The following GSDME variants were observed in gnomAD, a reference collection of about 807,000 sequenced individuals.
GSDME encodes the protein gasdermin-E.
Under a neutral mutation model 47.5 loss-of-function variants are expected in GSDME, and 44 were observed. The observed-to-expected ratio is 0.93, with a 90% CI of 0.73 to 1.19. The LOEUF is 1.19. Ranked by LOEUF, GSDME falls within the 50% of genes most tolerant of loss-of-function variation. The probability of loss-of-function intolerance (pLI) is 0.00; values close to 1 mark genes in which losing one functional copy is unlikely to be tolerated. For synonymous variants in GSDME, 258 were observed against 252.8 expected, an observed-to-expected ratio of 1.02 and a Z score of -0.20; for missense variants, 663 against 604.2, an observed-to-expected ratio of 1.10 and a Z score of -1.02.
At chr7:24,767,877 A>G in the GSDME span, among the ~76,000 whole-genome samples, 1 of 152,210 alleles carries the variant, frequency 6.6e-6, no homozygotes, top group South Asian at 2.1e-4. The surrounding 1 kb of genome is among the most constrained non-coding windows in gnomAD (Gnocchi z 5.3). Context: ...TGTTTGTGTA[A>G]TACTTTATTA....
intron 9 of GSDME, 122 bp from the exon 10 acceptor site, chr7:24,699,381 C>A: frequency 4.1e-6 from 3 of 734,766 alleles, no homozygotes; most frequent in Non-Finnish European, 7.3e-6. Context: ...CTTGCTCTGT[C>A]GTCCAGGCTG....
In GSDME at chr7:24,712,644, C is replaced by T. The variant is rs986605150; in HGVS notation, c.698-2256G>A. Among the ~76,000 whole-genome samples, 1 of 152,174 alleles carries T rather than the reference C, an allele frequency of 6.6e-6. No homozygotes were observed. The highest frequency in any genetic ancestry group is 1.5e-5 in the Non-Finnish European group (1 of 68,038). ...TTGAACAGGGCTGAGGCCAGAGTGA[C>T]CAGCGGGTGGAGGGGAGGAAAAACA... On this transcript the variant is annotated intron_variant, in intron 5 of 9. Transcript: ENST00000645220. This position sits in a 1 kb window ranked among gnomAD's most constrained non-coding sequence, Gnocchi z 4.4.
In GSDME at chr7:24,744,126, C is replaced by T. The variant is rs79251484; in HGVS notation, c.404+436G>A. 22,617 of 223,980 alleles carry T rather than the reference C, an allele frequency of 0.1. 1,264 individuals are homozygous for T. The highest frequency in any genetic ancestry group is 0.13 in the Admixed American group (2,449 of 19,066). 13.9% of individuals were successfully genotyped at this position (223,980 alleles called of 1,614,324 possible). ...AAATGTGGGGTTTTCTTCAAGACTT[C>T]AAAGACTGAAAAGAGCTCTTATTTT... On this transcript the variant is annotated intron_variant, in intron 3 of 9. Transcript: ENST00000645220. This position sits in a 1 kb window ranked among gnomAD's most constrained non-coding sequence, Gnocchi z 4.5.
At chr7:24,786,561 G>A in the GSDME span, among the ~76,000 whole-genome samples, 1 of 152,340 alleles carries the variant, frequency 6.6e-6, no homozygotes, top group South Asian at 2.1e-4. The surrounding 1 kb of genome is among the most constrained non-coding windows in gnomAD (Gnocchi z 5.5). Flanking sequence ...CTACAACTCA[G>A]AAGTGAGAAA....
At chr7:24,789,255 C>T in the GSDME span, among the ~76,000 whole-genome samples, 1 of 148,260 alleles carries the variant, frequency 6.7e-6, no homozygotes, top group Non-Finnish European at 1.5e-5. Flanking sequence ...TCCTTTTTCA[C>T]ATTAGGACAC....
At chr7:24,781,277 G>A in the GSDME span, among the ~76,000 whole-genome samples, 1 of 152,182 alleles carries the variant, frequency 6.6e-6, no homozygotes, top group Non-Finnish European at 1.5e-5. Context: ...AGATGTGGGA[G>A]GAGACACTTC....
intron 3 of GSDME, among the ~76,000 whole-genome samples, chr7:24,738,268 T>A (rs749379314): frequency 5.9e-5 from 9 of 152,112 alleles, no homozygotes; most frequent in Middle Eastern, 3.2e-3. Flanking sequence ...ATAAACAAAT[T>A]CACTAAAGTT....
At chr7:24,753,336 G>C (rs1790915298) in intron 1 of GSDME, among the ~76,000 whole-genome samples, 1 of 152,202 alleles carries the variant, frequency 6.6e-6, no homozygotes, top group Non-Finnish European at 1.5e-5. Context: ...AAAGGAGTCT[G>C]AACACTGCTC....
At chr7:24,782,143 T>A in the GSDME span, among the ~76,000 whole-genome samples, 5 of 152,174 alleles carry the variant, frequency 3.3e-5, no homozygotes, top group African/African-American at 1.2e-4. Context: ...TGTTTACATG[T>A]GCCATGTTGG....
In GSDME at chr7:24,752,522, C is replaced by T. The variant is rs560552447; in HGVS notation, c.-19-2729G>A. Among the ~76,000 whole-genome samples, 5 of 152,314 alleles carry T rather than the reference C, an allele frequency of 3.3e-5. No individual in the cohort carries two copies. In the East Asian group the frequency reaches 9.6e-4, roughly 29 times the overall value. On this transcript the variant is annotated intron_variant, in intron 1 of 9. Coordinates refer to ENST00000645220, the MANE Select transcript of GSDME (RefSeq NM_001127453.2). ...CAGTGGCATAAGGATAGAAAAGACA[C>T]TCGCTTGGTGAAGGGTGGTGATGAA...
chr7:24,786,650 G>GAA, the GSDME span, among the ~76,000 whole-genome samples: 1 of 152,194 alleles, frequency 6.6e-6, no homozygotes, highest in East Asian at 1.9e-4. This position sits in a 1 kb window ranked among gnomAD's most constrained non-coding sequence, Gnocchi z 5.5. Context: ...AAAGTTAACT[G>GAA]AAGTTCGAAC....
the GSDME span, among the ~76,000 whole-genome samples, chr7:24,788,394 C>G: frequency 9.4e-6 from 1 of 105,902 alleles, no homozygotes. This position sits in a 1 kb window ranked among gnomAD's most constrained non-coding sequence, Gnocchi z 4.6. Flanking sequence ...TGGCTGTCCC[C>G]TCCTCAGGAG....
At chr7:24,771,737 A>G in the GSDME span, among the ~76,000 whole-genome samples, 1 of 152,188 alleles carries the variant, frequency 6.6e-6, no homozygotes, top group African/African-American at 2.4e-5. This position sits in a 1 kb window ranked among gnomAD's most constrained non-coding sequence, Gnocchi z 4.1. Flanking sequence ...CTTGATGTGA[A>G]AAGGTCCCAG....
chr7:24,746,783 G>C (rs1311176371), intron 2 of GSDME, among the ~76,000 whole-genome samples: 3 of 152,176 alleles, frequency 2.0e-5, no homozygotes, highest in Non-Finnish European at 4.4e-5. Flanking sequence ...TGGTGGAAGG[G>C]AAGAAATGAG....
chr7:24,768,646 C>A, the GSDME span, among the ~76,000 whole-genome samples: 1 of 152,144 alleles, frequency 6.6e-6, no homozygotes, highest in South Asian at 2.1e-4. This position sits in a 1 kb window ranked among gnomAD's most constrained non-coding sequence, Gnocchi z 5.6. Context: ...AGGTTGTCAA[C>A]CCTTGAAACG....
At position 24,744,867 on chromosome 7, in the gene GSDME, C is replaced by T. The variant is rs942501134; in HGVS notation, c.212-113G>A. 1 of 1,130,520 alleles carries T rather than the reference C, an allele frequency of 8.8e-7. No homozygotes were observed. The highest frequency in any genetic ancestry group is 1.3e-6 in the Non-Finnish European group (1 of 772,584). 70.0% of individuals were successfully genotyped at this position (1,130,520 alleles called of 1,614,324 possible). A position where few individuals can be genotyped will look rare whatever the true frequency, so the allele number is the denominator to read the frequency against. On this transcript the variant is annotated intron_variant, in intron 2 of 9. Transcript: ENST00000645220. The surrounding 1 kb of genome is among the most constrained non-coding windows in gnomAD (Gnocchi z 4.5). The stretch of plus-strand genomic sequence containing the variant: ...AGCCCCGGAAAGCAGAAGGCTGGCA[C>T]TCAGATGGAAAGCCGGCAGCCATGC...
rs57212627 is a variant in GSDME at position 24,725,495 on chromosome 7, G to A, written c.405-6277C>T. Among the ~76,000 whole-genome samples, 2,796 of 152,210 alleles carry A rather than the reference G, an allele frequency of 0.018. 93 individuals are homozygous for A. The highest frequency in any genetic ancestry group is 0.064 in the African/African-American group (2,672 of 41,496). ...GGAAGGGGTTTATTCGGCCGGGAGC[G>A]TCGGCAAGACTCCTGTCTCAAGAGC... On this transcript the variant is annotated intron_variant, in intron 3 of 9. Coordinates refer to ENST00000645220, the MANE Select transcript of GSDME (RefSeq NM_001127453.2). The surrounding 1 kb of genome is among the most constrained non-coding windows in gnomAD (Gnocchi z 5.1).
rs139890437 is a variant in GSDME, at chr7:24,725,640, C to G, written c.405-6422G>C. Among the ~76,000 whole-genome samples the G allele has an allele frequency of 1.3e-5, 2 of 152,138 alleles. No individual in the cohort carries two copies. The highest frequency in any genetic ancestry group is 4.8e-5 in the African/African-American group (2 of 41,410). The stretch of plus-strand genomic sequence containing the variant: ...GGTACGTGACTGGGGGCTGCATGCT[C>G]TGCTAATCAGATTGGAACAAAATAG... On this transcript the variant is annotated intron_variant, in intron 3 of 9. Coordinates refer to ENST00000645220, the MANE Select transcript of GSDME (RefSeq NM_001127453.2). The surrounding 1 kb of genome is among the most constrained non-coding windows in gnomAD (Gnocchi z 5.1).
chr7:24,739,868 G>T lies in GSDME; in HGVS notation c.404+4694C>A, dbSNP rs755587982. Among the ~76,000 whole-genome samples the T allele has an allele frequency of 1.7e-4, 26 of 152,112 alleles. No homozygotes were observed. Among genetic ancestry groups the T allele is most frequent in the Non-Finnish European group, 2.8e-4 (19 of 68,028 alleles). On this transcript the variant is annotated intron_variant, in intron 3 of 9. Transcript: ENST00000645220. This position sits in a 1 kb window ranked among gnomAD's most constrained non-coding sequence, Gnocchi z 5.1. ...CTAGCACTTTGGGAGGCTAAGGCAG[G>T]CGGATCACGAGGTCAGGAGTTCAAG...
Sources: gnomAD v4.1 joint callset for allele counts (sites outside exome capture counted in the v4.1 genomes callset) on GRCh38, gnomAD v4.1.1 for gene constraint, Gnocchi (gnomAD v3.1) non-coding constraint, MANE v1.5 for transcripts, NCBI Gene and HGNC (gene_info 2026-07-23, HGNC 2026-07-21) for gene names.